Variants in CADM2 observed in about 807,000 individuals in gnomAD.
CADM2 encodes the protein immunoglobulin superfamily member 4D.
A neutral mutation model predicts 49.8 loss-of-function variants in CADM2; 12 were observed. The ratio of observed to expected loss-of-function variants is 0.24; its 90% CI spans 0.15 to 0.39. The LOEUF (loss-of-function observed/expected upper bound fraction) is 0.39. Among genes scored for constraint, CADM2 ranks in the 10% least tolerant of loss-of-function variants. The pLI is 1.00. For synonymous variants in CADM2, 214 were observed against 175.4 expected (o/e 1.22, Z -1.74); for missense variants, 378 against 492.3 (o/e 0.77, Z 2.20).
At position 86,065,646 on chromosome 3, in the gene CADM2, C is replaced by G; in HGVS notation, c.1012C>G (p.Leu338Val). The part of the protein sequence containing the change: ...LAGQNGPDHA[L>V]IGGIVAVVVF... ...TGGCCAGAATGGCCCTGACCATGCT[C>G]TCATAGGAGGAATAGTGGCTGTAGT... The change falls in exon 9 of 10, where the codon CTC (leucine) becomes GTC (valine). Residue 338 changes from leucine (L) to valine (V), a missense_variant. By Grantham distance (32) the Leu-to-Val change is conservative. Coordinates refer to ENST00000383699, the MANE Select transcript of CADM2 (RefSeq NM_001167675.2). 6.2e-7 allele frequency: 1 copy of G among 1,613,982 alleles called. No individual in the cohort carries two copies. Among genetic ancestry groups the G allele is most frequent in the Non-Finnish European group, 8.5e-7 (1 of 1,179,922 alleles).
At chr3:85,967,336 C>T (rs1725603719) in intron 8 of CADM2, among the ~76,000 whole-genome samples, 1 of 151,602 alleles carries the variant, frequency 6.6e-6, no homozygotes, top group Non-Finnish European at 1.5e-5. Context: ...CATTTCCAAT[C>T]CATCTATCAT....
At chr3:85,226,168 A>C (rs1430355945) in intron 1 of CADM2, among the ~76,000 whole-genome samples, 1 of 152,000 alleles carries the variant, frequency 6.6e-6, no homozygotes, top group Admixed American at 6.6e-5. Flanking sequence ...TTTTCTGTTA[A>C]TTGGAATAGT....
At chr3:85,864,053 G>A (rs1173000382) in intron 3 of CADM2, among the ~76,000 whole-genome samples, 2 of 152,166 alleles carry the variant, frequency 1.3e-5, no homozygotes, top group Non-Finnish European at 2.9e-5. Context: ...TGGGATCTTA[G>A]GACGAGAGTC....
chr3:85,970,391 T>C (rs1223674755), intron 8 of CADM2, among the ~76,000 whole-genome samples: 1 of 151,496 alleles, frequency 6.6e-6, no homozygotes, highest in Non-Finnish European at 1.5e-5. Context: ...TGAAGCTCAA[T>C]AGATGCTTAT....
At chr3:85,357,272 T>G (rs2031945504) in intron 1 of CADM2, among the ~76,000 whole-genome samples, 2 of 152,102 alleles carry the variant, frequency 1.3e-5, no homozygotes, top group South Asian at 4.1e-4. Context: ...TTGCTGAAAT[T>G]TCAAACATTA....
At chr3:85,153,748 G>C (rs944792109) in intron 1 of CADM2, among the ~76,000 whole-genome samples, 28 of 152,120 alleles carry the variant, frequency 1.8e-4, no homozygotes, top group Non-Finnish European at 3.7e-4. Context: ...ATCTGAGAAC[G>C]GGCAGACTGC....
chr3:85,786,226 T>G (rs1446818444), intron 2 of CADM2, among the ~76,000 whole-genome samples: 1 of 152,152 alleles, frequency 6.6e-6, no homozygotes, highest in African/African-American at 2.4e-5. Flanking sequence ...TTCATTATAA[T>G]TTTCTAATGA....
chr3:85,213,031 C>T (rs1473712437), intron 1 of CADM2, among the ~76,000 whole-genome samples: 5 of 151,708 alleles, frequency 3.3e-5, no homozygotes, highest in South Asian at 4.2e-4. Flanking sequence ...TATAGGTTTA[C>T]GTCACCACAC....
chr3:85,981,854 T>C (rs1188806441), intron 8 of CADM2, among the ~76,000 whole-genome samples: 1 of 151,730 alleles, frequency 6.6e-6, no homozygotes, highest in Non-Finnish European at 1.5e-5. Flanking sequence ...CAATTTATAT[T>C]CTTTTGGGTA....
chr3:85,753,094 C>G (rs1461595274), intron 2 of CADM2, among the ~76,000 whole-genome samples: 1 of 152,014 alleles, frequency 6.6e-6, no homozygotes, highest in African/African-American at 2.4e-5. Context: ...TTTAACATGA[C>G]AGAATTTGTT....
intron 1 of CADM2, among the ~76,000 whole-genome samples, chr3:85,553,418 G>A (rs551482833): frequency 1.3e-5 from 2 of 152,082 alleles, no homozygotes; most frequent in Non-Finnish European, 2.9e-5. Flanking sequence ...ACAAGCACAG[G>A]CTAATTTTGA....
chr3:85,213,003 C>G (rs2041837538), intron 1 of CADM2, among the ~76,000 whole-genome samples: 1 of 151,752 alleles, frequency 6.6e-6, no homozygotes, highest in Non-Finnish European at 1.5e-5. Context: ...GTCTCAGAGA[C>G]TCCCTAGTAG....
intron 1 of CADM2, among the ~76,000 whole-genome samples, chr3:85,054,693 A>G (rs2036012266): frequency 6.6e-6 from 1 of 151,950 alleles, no homozygotes; most frequent in Non-Finnish European, 1.5e-5. Flanking sequence ...TTTGGTTAGA[A>G]TCCAGCTAGA....
chr3:85,763,673 T>A (rs1432252364), intron 2 of CADM2, among the ~76,000 whole-genome samples: 1 of 152,180 alleles, frequency 6.6e-6, no homozygotes, highest in Non-Finnish European at 1.5e-5. Flanking sequence ...CATCCTCTAA[T>A]CAATTGCCAG....
At chr3:85,124,418 C>T (rs1229217486) in intron 1 of CADM2, among the ~76,000 whole-genome samples, 2 of 151,986 alleles carry the variant, frequency 1.3e-5, no homozygotes, top group Admixed American at 1.3e-4. Context: ...AGCGAGACAA[C>T]ATAGTGAGAC....
chr3:85,957,382 C>G (rs999068441), intron 7 of CADM2, among the ~76,000 whole-genome samples: 1 of 151,676 alleles, frequency 6.6e-6, no homozygotes, highest in East Asian at 2.0e-4. Flanking sequence ...TCATATAATG[C>G]TCTTTCAGAA....
intron 1 of CADM2, among the ~76,000 whole-genome samples, chr3:85,626,035 A>G (rs62263924): frequency 0.13 from 19,125 of 152,038 alleles, 1,359 homozygotes; most frequent in African/African-American, 0.19. Context: ...GTGTATGCAT[A>G]TTATTCTGTT....
chr3:85,742,323 C>T (rs2068426492), intron 2 of CADM2, among the ~76,000 whole-genome samples: 1 of 152,106 alleles, frequency 6.6e-6, no homozygotes, highest in Non-Finnish European at 1.5e-5. Flanking sequence ...ACATACATGT[C>T]TTTCTACCTA....
chr3:85,660,979 A>G (rs2065385052), intron 1 of CADM2, among the ~76,000 whole-genome samples: 1 of 151,994 alleles, frequency 6.6e-6, no homozygotes, highest in Non-Finnish European at 1.5e-5. Flanking sequence ...CTGAGCAAAG[A>G]CCACTTTCAG....
Sources: gnomAD v4.1 joint callset for allele counts (sites outside exome capture counted in the v4.1 genomes callset) on GRCh38, gnomAD v4.1.1 for gene constraint, MANE v1.5 for transcripts, NCBI Gene and HGNC (gene_info 2026-07-23, HGNC 2026-07-21) for gene names.